The following ACAP2 variants were observed in gnomAD, a reference collection of about 807,000 sequenced individuals.
ACAP2 encodes the protein ArfGAP with coiled-coil, ankyrin repeat and PH domains 2.
Under a neutral mutation model 115.8 loss-of-function variants are expected in ACAP2, and 39 were observed. That is an observed-to-expected ratio of 0.34 (90% confidence interval 0.26 to 0.44). The LOEUF (loss-of-function observed/expected upper bound fraction) is 0.44, where lower values mean the gene tolerates loss of function less well. ACAP2 is among the 20% of genes least tolerant of loss of function. The probability of loss-of-function intolerance (pLI) is 1.00; values close to 1 mark genes in which losing one functional copy is unlikely to be tolerated. For synonymous variants in ACAP2, 289 were observed against 315.8 expected (o/e 0.92, Z 0.90); for missense variants, 662 against 927.6 (o/e 0.71, Z 3.72).
chr3:195,364,897 T>C (rs938584339), intron 4 of ACAP2, among the ~76,000 whole-genome samples: 2 of 152,222 alleles, frequency 1.3e-5, no homozygotes, highest in African/African-American at 4.8e-5. Context: ...AACAGATGAA[T>C]GGTTGCAGAA....
At chr3:195,344,369 C>T (rs933254421) in intron 5 of ACAP2, among the ~76,000 whole-genome samples, 1 of 152,044 alleles carries the variant, frequency 6.6e-6, no homozygotes, top group Non-Finnish European at 1.5e-5. Flanking sequence ...TTTATATATT[C>T]CCAGCCAGGA....
In ACAP2 at chr3:195,377,582, G is replaced by A. The variant is rs560225042; in HGVS notation, c.285+3427C>T. ...TCTAATTAACGTGAAGTATAACAGG[G>A]CTATGATGAGGGAAGAACTTTTGCC... On this transcript the variant is annotated intron_variant, in intron 4 of 22. Transcript: ENST00000326793. 2.6e-5 allele frequency among the ~76,000 whole-genome samples: 4 copies of A among 152,280 alleles called. No individual in the cohort carries two copies. The South Asian group carries it at 8.3e-4, about 32-fold the overall frequency.
intron 6 of ACAP2, among the ~76,000 whole-genome samples, chr3:195,340,910 A>G (rs1730823437): frequency 6.6e-6 from 1 of 152,172 alleles, no homozygotes; most frequent in Non-Finnish European, 1.5e-5. Flanking sequence ...CTTCCCACTT[A>G]CTGAACAGGA....
intron 1 of ACAP2, among the ~76,000 whole-genome samples, chr3:195,438,993 G>A (rs1041750151): frequency 1.6e-4 from 25 of 152,046 alleles, no homozygotes; most frequent in Admixed American, 6.6e-4. Context: ...CCCAAGAGCC[G>A]GAGGGTGCAG....
intron 4 of ACAP2, 77 bp from the exon 5 acceptor site, chr3:195,345,394 T>C (rs1731133065): frequency 1.2e-6 from 1 of 819,240 alleles, no homozygotes; most frequent in Non-Finnish European, 2.1e-6. Context: ...AAATACCACA[T>C]CCCTCCATCA....
rs193021211 is a variant in ACAP2, at chr3:195,412,385, G to C, written c.54-20238C>G. Among the ~76,000 whole-genome samples, 141 of 150,794 alleles carry C rather than the reference G, an allele frequency of 9.4e-4. 1 individual carries two copies. Among genetic ancestry groups the C allele is most frequent in the African/African-American group, 3.3e-3 (136 of 41,112 alleles). On this transcript the variant is annotated intron_variant, in intron 1 of 22. Coordinates refer to ENST00000326793, the MANE Select transcript of ACAP2 (RefSeq NM_012287.6). ...TCTTGAGGTCAGGAGTTCGAGACCA[G>C]CCTGGCCAACATGGTGAAACCCCAT... is the stretch of plus-strand genomic sequence containing the variant.
intron 4 of ACAP2, among the ~76,000 whole-genome samples, chr3:195,362,517 C>T (rs536474431): frequency 1.1e-4 from 16 of 152,028 alleles, no homozygotes; most frequent in African/African-American, 3.6e-4. Context: ...GACAGAGATG[C>T]ATAAAAAATA....
intron 4 of ACAP2, among the ~76,000 whole-genome samples, chr3:195,373,907 C>A (rs1416246589): frequency 6.6e-6 from 1 of 151,908 alleles, no homozygotes; most frequent in African/African-American, 2.4e-5. Flanking sequence ...GGCAACAGAG[C>A]AAGACTCTGT....
chr3:195,375,289 A>C (rs980548105), intron 4 of ACAP2, among the ~76,000 whole-genome samples: 1 of 152,166 alleles, frequency 6.6e-6, no homozygotes, highest in East Asian at 1.9e-4. Context: ...TAAAAATATA[A>C]TTCCATTAAA....
chr3:195,349,097 G>A (rs752705211), intron 4 of ACAP2, among the ~76,000 whole-genome samples: 5 of 151,998 alleles, frequency 3.3e-5, no homozygotes, highest in African/African-American at 4.8e-5. Context: ...ATTAATAAGT[G>A]AGTTTAAGAA....
At chr3:195,438,638 C>A (rs1020409717) in intron 1 of ACAP2, among the ~76,000 whole-genome samples, 1 of 152,080 alleles carries the variant, frequency 6.6e-6, no homozygotes, top group Non-Finnish European at 1.5e-5. Flanking sequence ...CAGGAGGCTG[C>A]GGCAGGAGAA....
At chr3:195,306,226 T>C (rs1361311079) in intron 13 of ACAP2, among the ~76,000 whole-genome samples, 1 of 152,194 alleles carries the variant, frequency 6.6e-6, no homozygotes, top group Non-Finnish European at 1.5e-5. Context: ...TTAACTAAAA[T>C]GGCACAATAC....
At chr3:195,360,616 G>A (rs909491874) in intron 4 of ACAP2, among the ~76,000 whole-genome samples, 2 of 152,260 alleles carry the variant, frequency 1.3e-5, no homozygotes, top group East Asian at 1.9e-4. Flanking sequence ...CCAACATGGT[G>A]AAACCCCATT....
chr3:195,422,035 G>A (rs933752667), intron 1 of ACAP2, among the ~76,000 whole-genome samples: 1 of 151,962 alleles, frequency 6.6e-6, no homozygotes, highest in African/African-American at 2.4e-5. Context: ...TCACATACAA[G>A]TTAACCTTCC....
chr3:195,352,265 G>A (rs531472903), intron 4 of ACAP2, among the ~76,000 whole-genome samples: 2 of 152,268 alleles, frequency 1.3e-5, no homozygotes, highest in African/African-American at 4.8e-5. Flanking sequence ...TAGGTGTGTA[G>A]GAGGCTACAC....
chr3:195,369,012 A>T (rs1170288458), intron 4 of ACAP2, among the ~76,000 whole-genome samples: 1 of 151,906 alleles, frequency 6.6e-6, no homozygotes, highest in Non-Finnish European at 1.5e-5. Flanking sequence ...TGAACCTGGG[A>T]GGCGGAGGTT....
At chr3:195,391,067 G>C (rs1734639950) in intron 2 of ACAP2, among the ~76,000 whole-genome samples, 1 of 151,968 alleles carries the variant, frequency 6.6e-6, no homozygotes, top group Admixed American at 6.6e-5. Flanking sequence ...AGTATTTCTG[G>C]TATTAGCTTA....
intron 4 of ACAP2, among the ~76,000 whole-genome samples, chr3:195,371,489 G>A (rs1342208898): frequency 6.6e-6 from 1 of 152,096 alleles, no homozygotes; most frequent in Non-Finnish European, 1.5e-5. Context: ...ATAGCATCAA[G>A]TCATCTGCAA....
intron 1 of ACAP2, chr3:195,441,648 C>T (rs1258955325): frequency 3.3e-5 from 5 of 152,156 alleles, no homozygotes; most frequent in African/African-American, 1.2e-4. Context: ...CAGGCTTGGC[C>T]CAGACATTAG....
Sources: gnomAD v4.1 joint callset for allele counts (sites outside exome capture counted in the v4.1 genomes callset) on GRCh38, gnomAD v4.1.1 for gene constraint, MANE v1.5 for transcripts, NCBI Gene and HGNC (gene_info 2026-07-23, HGNC 2026-07-21) for gene names.